Variants in DNAH7 observed in about 807,000 individuals in gnomAD.
DNAH7 encodes the protein dynein axonemal heavy chain 7.
DNAH7 carries 397 observed loss-of-function variants against 444.6 expected under a neutral mutation model. The observed-to-expected ratio is 0.89, with a 90% CI of 0.82 to 0.97. DNAH7 has a LOEUF of 0.97. DNAH7 is among the 50% of genes least tolerant of loss of function. The pLI, the probability that DNAH7 is intolerant of heterozygous loss-of-function variation, is 0.00. For synonymous variants in DNAH7, 1,636 were observed against 1,624.4 expected (o/e 1.01, Z -0.17); for missense variants, 4,902 against 4,800.8 (o/e 1.02, Z -0.62).
chr2:195,978,183 T>C (rs1219566332), intron 15 of DNAH7, among the ~76,000 whole-genome samples: 1 of 151,784 alleles, frequency 6.6e-6, no homozygotes, highest in East Asian at 1.9e-4. Context: ...AAAAAATAAC[T>C]ACAACTTTTC....
At chr2:196,068,441 G>T in intron 1 of DNAH7, 1 of 548,528 alleles carries the variant, frequency 1.8e-6, no homozygotes, top group African/African-American at 1.9e-5. Flanking sequence ...TCTGGGCTGT[G>T]GCTCCCCCTG....
Position 195,882,002 on chromosome 2 carries a change from A to C in DNAH7, c.5764-10T>G, listed in dbSNP as rs770327043. ...CCCATTTTCCTATTCCCTGTTTATA[A>C]TTAACAACCAAGTAATGAATGCTAT... On this transcript the variant is annotated splice_polypyrimidine_tract_variant and intron_variant, in intron 35 of 64. Coordinates refer to ENST00000312428, the MANE Select transcript of DNAH7 (RefSeq NM_018897.3). The C allele has an allele frequency of 6.2e-6, 10 of 1,607,788 alleles. No homozygotes were observed. The South Asian group carries it at 8.8e-5, about 14-fold the overall frequency.
In DNAH7 at chr2:195,771,711, C is replaced by A. The variant is rs530706724; in HGVS notation, c.11382G>T (p.Lys3794Asn). 1 of 1,614,074 alleles carries A rather than the reference C, an allele frequency of 6.2e-7. No individual in the cohort carries two copies. Among genetic ancestry groups the A allele is most frequent in the East Asian group, 2.2e-5 (1 of 44,864 alleles). The change falls in exon 61 of 65, where the codon AAG becomes AAT. Residue 3794 changes from lysine (K) to asparagine (N), a missense_variant. Lys to Asn is a moderately conservative substitution (Grantham distance 94). Coordinates refer to ENST00000312428, the MANE Select transcript of DNAH7 (RefSeq NM_018897.3). ...VLVQEMGRFN[K>N]LLKTIRDSCV... Reference sequence around the variant, plus strand: ...ACGAATCTCTTATGGTCTTCAGTAACTTATTGAACCGTCCCATCTCTTGGA... The same window carrying A: ...ACGAATCTCTTATGGTCTTCAGTAAATTATTGAACCGTCCCATCTCTTGGA...
At chr2:195,989,147 T>C (rs1000034112) in intron 12 of DNAH7, among the ~76,000 whole-genome samples, 1 of 152,222 alleles carries the variant, frequency 6.6e-6, no homozygotes, top group African/African-American at 2.4e-5. Context: ...GTAATAAACA[T>C]GGGAGTGCAA....
chr2:195,900,651 G>A, intron 27 of DNAH7, 157 bp from the exon 28 acceptor site: 1 of 636,994 alleles, frequency 1.6e-6, no homozygotes, highest in Non-Finnish European at 2.6e-6. Context: ...GGCTGGGAAA[G>A]GTGAGGTGGG....
At chr2:195,914,638 TG>T (rs1173587477) in intron 24 of DNAH7, among the ~76,000 whole-genome samples, 2 of 152,198 alleles carry the variant, frequency 1.3e-5, no homozygotes, top group African/African-American at 4.8e-5. Flanking sequence ...ATCCTCTATC[TG>T]AAAAACATCA....
intron 21 of DNAH7, among the ~76,000 whole-genome samples, chr2:195,928,922 G>C (rs1688513503): frequency 6.6e-6 from 1 of 152,020 alleles, no homozygotes; most frequent in African/African-American, 2.4e-5. Context: ...AGGAAAAGAA[G>C]AAGTCAAACA....
intron 19 of DNAH7, among the ~76,000 whole-genome samples, chr2:195,942,780 T>C (rs1263716125): frequency 6.6e-6 from 1 of 152,068 alleles, no homozygotes; most frequent in Non-Finnish European, 1.5e-5. Flanking sequence ...ACTCTTTAAT[T>C]CCCAGATCCA....
At chr2:195,990,772 TTGTTG>T (rs1693247995) in intron 12 of DNAH7, among the ~76,000 whole-genome samples, 1 of 120,274 alleles carries the variant, frequency 8.3e-6, no homozygotes. Flanking sequence ...TACTATAGCT[TTGTTG>T]TGTGTGTGTG....
intron 17 of DNAH7, among the ~76,000 whole-genome samples, chr2:195,968,097 C>G (rs1691602048): frequency 6.6e-6 from 1 of 152,196 alleles, no homozygotes; most frequent in Admixed American, 6.5e-5. Flanking sequence ...TGGGACTCAG[C>G]CTTCAGGGCA....
chr2:195,958,080 G>A (rs1416144485), intron 18 of DNAH7, among the ~76,000 whole-genome samples: 1 of 151,892 alleles, frequency 6.6e-6, no homozygotes, highest in East Asian at 1.9e-4. Context: ...CAACAACACA[G>A]GTTTCAACTG....
At chr2:195,849,498 A>AT (rs1213694394) in intron 46 of DNAH7, among the ~76,000 whole-genome samples, 1 of 152,204 alleles carries the variant, frequency 6.6e-6, no homozygotes, top group African/African-American at 2.4e-5. Flanking sequence ...TTGGTTGTTG[A>AT]TATGAGGAAC....
intron 58 of DNAH7, among the ~76,000 whole-genome samples, chr2:195,778,669 TACAC>T (rs1198664361): frequency 1.6e-5 from 1 of 64,098 alleles, no homozygotes; most frequent in African/African-American, 7.8e-5. Flanking sequence ...TATATATATA[TACAC>T]ACACACACAT....
At chr2:195,907,524 G>A (rs1261168898) in intron 25 of DNAH7, among the ~76,000 whole-genome samples, 2 of 152,126 alleles carry the variant, frequency 1.3e-5, no homozygotes, top group African/African-American at 4.8e-5. Flanking sequence ...TCAAGCATGA[G>A]TAGTTTCATC....
At chr2:195,856,066 T>A in intron 44 of DNAH7, 75 bp from the exon 45 acceptor site, 1 of 1,356,674 alleles carries the variant, frequency 7.4e-7, no homozygotes, top group Non-Finnish European at 1.0e-6. Flanking sequence ...AATTTACTTT[T>A]CTAATACCCT....
chr2:195,923,766 A>G lies in DNAH7; in HGVS notation c.3654T>C (p.Asp1218=), dbSNP rs1316454496. 1.2e-6 allele frequency: 2 copies of G among 1,614,176 alleles called. No homozygotes were observed. The highest frequency in any genetic ancestry group is 1.7e-6 in the Non-Finnish European group (2 of 1,180,024). The stretch of plus-strand genomic sequence containing the variant: ...TGCCACGCACCAAAGTGACAATATC[A>G]TCAATTTGTCTGTTACATGTTTTCA... ...QYLKTCNRQI[D]DIVTLVRGKL... Residue 1218 remains aspartate, a synonymous_variant, in exon 23 of 65, where the codon GAT becomes GAC. Coordinates refer to ENST00000312428, the MANE Select transcript of DNAH7 (RefSeq NM_018897.3).
intron 19 of DNAH7, among the ~76,000 whole-genome samples, chr2:195,944,153 C>G (rs1052279635): frequency 6.7e-6 from 1 of 149,900 alleles, no homozygotes; most frequent in African/African-American, 2.5e-5. Context: ...TGAAGTTATG[C>G]CCATGAGAAG....
chr2:195,821,089 CACA>C (rs1162334781), intron 49 of DNAH7, among the ~76,000 whole-genome samples: 3 of 151,044 alleles, frequency 2.0e-5, no homozygotes, highest in African/African-American at 7.3e-5. Flanking sequence ...GTACAGACTG[CACA>C]ACTATAGAAG....
chr2:195,944,486 T>C (rs1689668190), intron 19 of DNAH7, among the ~76,000 whole-genome samples: 1 of 152,120 alleles, frequency 6.6e-6, no homozygotes, highest in Admixed American at 6.6e-5. Flanking sequence ...TTACAATATA[T>C]TGCCACTTAA....
Sources: gnomAD v4.1 joint callset for allele counts (sites outside exome capture counted in the v4.1 genomes callset) on GRCh38, gnomAD v4.1.1 for gene constraint, MANE v1.5 for transcripts, NCBI Gene and HGNC (gene_info 2026-07-23, HGNC 2026-07-21) for gene names.